Variants in SCMH1 observed in about 807,000 individuals in gnomAD.
SCMH1 encodes the protein Scm polycomb group protein homolog 1, also known as polycomb protein SCMH1.
SCMH1 carries 37 observed loss-of-function variants against 70.8 expected under a neutral mutation model. The ratio of observed to expected loss-of-function variants is 0.52; its 90% CI spans 0.40 to 0.69. The LOEUF (loss-of-function observed/expected upper bound fraction) is 0.69. Ranked by LOEUF, SCMH1 falls within the 30% of genes least tolerant of loss-of-function variation. SCMH1 has a pLI of 0.00. For synonymous variants in SCMH1, 292 were observed against 307.4 expected (o/e 0.95, Z 0.52); for missense variants, 607 against 827.3 (o/e 0.73, Z 3.27).
intron 1 of SCMH1, among the ~76,000 whole-genome samples, chr1:41,204,404 G>C (rs1428743666): frequency 6.6e-6 from 1 of 152,078 alleles, no homozygotes; most frequent in Non-Finnish European, 1.5e-5. Flanking sequence ...CCTCCCCATA[G>C]CACTTCAAAT....
At chr1:41,198,620 G>A (rs1163679808) in intron 1 of SCMH1, among the ~76,000 whole-genome samples, 4 of 152,228 alleles carry the variant, frequency 2.6e-5, no homozygotes, top group South Asian at 4.2e-4. Flanking sequence ...AATAAGCATG[G>A]TTCTCTTTTA....
rs537298144 is a variant in SCMH1, at chr1:41,180,039, G to T, written c.13+6082C>A. Among the ~76,000 whole-genome samples, 81 of 152,250 alleles carry T rather than the reference G, an allele frequency of 5.3e-4. 2 individuals are homozygous for T. In the South Asian group the frequency reaches 0.016, roughly 30 times the overall value. On this transcript the variant is annotated intron_variant, in intron 2 of 14. Transcript: ENST00000337495. ...CCATGATCAAGTGGGCTTCATCCCT[G>T]GGATGCAAGGCTGGTTCAACATATG...
intron 1 of SCMH1, among the ~76,000 whole-genome samples, chr1:41,232,587 G>A (rs1661514865): frequency 6.6e-6 from 1 of 152,142 alleles, no homozygotes; most frequent in Non-Finnish European, 1.5e-5. Context: ...TTGAAACCAA[G>A]TCCTATTACT....
At position 41,032,858 on chromosome 1, in the gene SCMH1, A is replaced by T. The variant is rs967016965; in HGVS notation, c.1679-4132T>A. On this transcript the variant is annotated intron_variant, in intron 13 of 14. Coordinates refer to ENST00000337495, the Ensembl canonical transcript of SCMH1. ...GCAGGGCGTAGTGGCAGGCACCTGT[A>T]ATCCCAGCTACTCGGGAGGCTGAGG... is the stretch of plus-strand genomic sequence containing the variant. Among the ~76,000 whole-genome samples, 47 of 152,094 alleles carry T rather than the reference A, an allele frequency of 3.1e-4. 1 individual carries two copies. The highest frequency in any genetic ancestry group is 1.0e-4 in the Non-Finnish European group (7 of 68,016).
chr1:41,232,747 T>C (rs997285482), intron 1 of SCMH1, among the ~76,000 whole-genome samples: 1 of 152,242 alleles, frequency 6.6e-6, no homozygotes, highest in Non-Finnish European at 1.5e-5. Context: ...GGTTATTCCC[T>C]TTTTTAGTAC....
chr1:41,216,818 C>T (rs1658188283), intron 1 of SCMH1, among the ~76,000 whole-genome samples: 1 of 152,154 alleles, frequency 6.6e-6, no homozygotes, highest in Admixed American at 6.5e-5. Flanking sequence ...CCCAGGGCTG[C>T]TGTAACAAAG....
intron 12 of SCMH1, chr1:41,043,092 A>T (rs1386751438): frequency 6.6e-6 from 1 of 152,084 alleles, no homozygotes; most frequent in Non-Finnish European, 1.5e-5. Flanking sequence ...TATATTAATT[A>T]ATTTATTATT....
intron 10 of SCMH1, among the ~76,000 whole-genome samples, chr1:41,058,455 A>C (rs1239436449): frequency 7.8e-6 from 1 of 128,888 alleles, no homozygotes; most frequent in Non-Finnish European, 1.5e-5. Flanking sequence ...ATTTCGGCTC[A>C]CTGCAACCTC....
exon 2 of SCMH1, chr1:41,186,167 G>C: frequency 7.9e-7 from 1 of 1,273,600 alleles, no homozygotes; most frequent in Non-Finnish European, 1.1e-6. Context: ...TAGGGGTTAA[G>C]AAGTTTGGGA....
intron 1 of SCMH1, among the ~76,000 whole-genome samples, chr1:41,205,578 G>C (rs1235587949): frequency 6.6e-6 from 1 of 152,222 alleles, no homozygotes; most frequent in East Asian, 1.9e-4. Context: ...GGTAAACAAA[G>C]TGGCCAGGAA....
chr1:41,126,249 T>G (rs1673153892), intron 6 of SCMH1, among the ~76,000 whole-genome samples: 1 of 152,210 alleles, frequency 6.6e-6, no homozygotes, highest in Non-Finnish European at 1.5e-5. Flanking sequence ...ATGCCCCATA[T>G]TAAAGGTATA....
At chr1:41,046,429 G>A (rs1646902235) in exon 12 of SCMH1, 2 of 1,614,210 alleles carry the variant, frequency 1.2e-6, no homozygotes, top group Non-Finnish European at 8.5e-7. Flanking sequence ...TGTCGTGGCT[G>A]TGGCTGTACT....
chr1:41,067,756 C>T (rs576017008), intron 10 of SCMH1, among the ~76,000 whole-genome samples: 3 of 152,222 alleles, frequency 2.0e-5, no homozygotes, highest in Non-Finnish European at 4.4e-5. Flanking sequence ...TCAAAACCCA[C>T]AGAACGTAAA....
At chr1:41,030,642 C>T (rs890415895) in intron 13 of SCMH1, among the ~76,000 whole-genome samples, 1 of 152,176 alleles carries the variant, frequency 6.6e-6, no homozygotes, top group Non-Finnish European at 1.5e-5. Context: ...CAGTTCTCTA[C>T]AATCCAATTA....
intron 1 of SCMH1, among the ~76,000 whole-genome samples, chr1:41,232,480 T>C (rs1661492671): frequency 6.6e-6 from 1 of 152,232 alleles, no homozygotes; most frequent in Admixed American, 6.5e-5. Flanking sequence ...CTTTGCCTCC[T>C]GTACTGATAA....
At chr1:41,126,998 A>T (rs540730970) in intron 6 of SCMH1, among the ~76,000 whole-genome samples, 2 of 152,288 alleles carry the variant, frequency 1.3e-5, no homozygotes, top group East Asian at 3.9e-4. Flanking sequence ...AGCAAAAAAA[A>T]ATGAGAACGC....
intron 2 of SCMH1, among the ~76,000 whole-genome samples, chr1:41,167,916 T>G (rs969368501): frequency 7.9e-5 from 12 of 151,484 alleles, no homozygotes; most frequent in African/African-American, 2.2e-4. Context: ...TGTTTTGTTT[T>G]TTTTTTTTTT....
chr1:41,116,523 T>C (rs944749120), intron 7 of SCMH1, among the ~76,000 whole-genome samples: 12 of 152,206 alleles, frequency 7.9e-5, no homozygotes, highest in African/African-American at 2.9e-4. Context: ...TGAGATAGTA[T>C]ATATAAAGTC....
In SCMH1 at chr1:41,203,742, T is replaced by C. The variant is rs539272061; in HGVS notation, c.-117-17492A>G. On this transcript the variant is annotated intron_variant, in intron 1 of 14. Transcript: ENST00000337495. ...ATGAGCGATCTGTGCCTTAAGGACA[T>C]GCTCCTGCTGCAGTTAACTAGCCCA... Among the ~76,000 whole-genome samples the C allele has an allele frequency of 1.2e-4, 19 of 152,372 alleles. No individual in the cohort carries two copies. The South Asian group carries it at 3.1e-3, about 25-fold the overall frequency.
Sources: allele counts gnomAD v4.1 joint callset (sites outside exome capture counted in the v4.1 genomes callset), GRCh38; gene constraint gnomAD v4.1.1; transcripts MANE v1.5; gene names NCBI Gene and HGNC (gene_info 2026-07-23, HGNC 2026-07-21).